Variants in CACNA2D3 observed in about 807,000 individuals in gnomAD.
CACNA2D3 encodes the protein calcium voltage-gated channel auxiliary subunit alpha2delta 3, also known as voltage-dependent calcium channel subunit alpha-2/delta-3.
In CACNA2D3, 60 loss-of-function variants were observed where a neutral mutation model predicts 160.6. The ratio of observed to expected loss-of-function variants is 0.37; its 90% CI spans 0.30 to 0.46. The LOEUF is 0.46. CACNA2D3 is among the 20% of genes least tolerant of loss of function. The pLI, the probability that CACNA2D3 is intolerant of heterozygous loss-of-function variation, is 1.00. For missense variants in CACNA2D3, 1,205 were observed against 1,365.0 expected, an observed-to-expected ratio of 0.88 and a Z score of 1.85; for synonymous variants, 558 against 492.9, an observed-to-expected ratio of 1.13 and a Z score of -1.75.
chr3:54,704,425 C>T (rs918797957), intron 11 of CACNA2D3, among the ~76,000 whole-genome samples: 1 of 151,838 alleles, frequency 6.6e-6, no homozygotes, highest in Non-Finnish European at 1.5e-5. Flanking sequence ...CCAGTTCATA[C>T]ATAGTTTCCA....
In CACNA2D3 at chr3:54,975,409, C is replaced by G. The variant is rs1157790256; in HGVS notation, c.2556+5565C>G. ...GGGTGTGCACCTGTAGTCTCAGCTA[C>G]TCAGGAGGCTGAAGCAGGAGAATCA... On this transcript the variant is annotated intron_variant, in intron 29 of 37. Transcript: ENST00000474759. Among the ~76,000 whole-genome samples the G allele has an allele frequency of 2.6e-5, 4 of 151,638 alleles. No homozygotes were observed. In the East Asian group the frequency reaches 7.8e-4, roughly 30 times the overall value.
rs531102843 is a variant in CACNA2D3 at position 55,033,546 on chromosome 3, C to T, written c.2987+15229C>T. ...ATTGTACTTTACCTTTTATTTCACC[C>T]GATATGTCTGAAACTATCGTGTCAT... On this transcript the variant is annotated intron_variant, in intron 35 of 37. Coordinates refer to ENST00000474759, the MANE Select transcript of CACNA2D3 (RefSeq NM_018398.3). Among the ~76,000 whole-genome samples, 189 of 141,156 alleles carry T rather than the reference C, an allele frequency of 1.3e-3. 1 individual carries two copies. The highest frequency in any genetic ancestry group is 1.8e-3 in the Non-Finnish European group (118 of 66,250). 92.6% of individuals were successfully genotyped at this position (141,156 alleles called of 152,430 possible).
intron 2 of CACNA2D3, among the ~76,000 whole-genome samples, chr3:54,189,167 C>T (rs1169484897): frequency 6.6e-6 from 1 of 152,206 alleles, no homozygotes; most frequent in Non-Finnish European, 1.5e-5. Flanking sequence ...TTCATTTCTA[C>T]TTGGCCAGGG....
intron 9 of CACNA2D3, 51 bp from the exon 10 acceptor site, chr3:54,627,736 G>A (rs1699153622): frequency 1.7e-6 from 2 of 1,153,334 alleles, no homozygotes; most frequent in African/African-American, 1.5e-5. Flanking sequence ...CAAGGTTGGT[G>A]TTTCACATAA....
In CACNA2D3 at chr3:54,142,982, C is replaced by T. The variant is rs149863813; in HGVS notation, c.204+19388C>T. On this transcript the variant is annotated intron_variant, in intron 2 of 37. Coordinates refer to ENST00000474759, the MANE Select transcript of CACNA2D3 (RefSeq NM_018398.3). The stretch of plus-strand genomic sequence containing the variant: ...CTGAGTGTGTACAAGTACAACAACC[C>T]TGAGTGATAAGGAGTAACTAGCTAA... 8.6e-3 allele frequency among the ~76,000 whole-genome samples: 1,308 copies of T among 152,286 alleles called. 4 individuals carry two copies. Among genetic ancestry groups the T allele is most frequent in the Middle Eastern group, 0.037 (11 of 294 alleles).
intron 11 of CACNA2D3, among the ~76,000 whole-genome samples, chr3:54,660,109 A>G (rs1019564358): frequency 4.7e-5 from 7 of 149,846 alleles, no homozygotes; most frequent in African/African-American, 1.7e-4. Context: ...TTTCCATGTC[A>G]TTGGGTCCTC....
rs574691941 is a variant in CACNA2D3 at position 54,288,839 on chromosome 3, A to C, written c.205-31603A>C. On this transcript the variant is annotated intron_variant, in intron 2 of 37. Transcript: ENST00000474759. ...ACAAAAACCACGTGATTATCTCAAT[A>C]GATGCAGAAAAGGCCTTTGACAAAA... is the stretch of plus-strand genomic sequence containing the variant. 7.2e-5 allele frequency among the ~76,000 whole-genome samples: 11 copies of C among 152,338 alleles called. No homozygotes were observed. In the South Asian group the frequency reaches 2.3e-3, roughly 32 times the overall value.
chr3:54,995,090 C>G lies in CACNA2D3; in HGVS notation c.2690+7337C>G, dbSNP rs1019114066. Among the ~76,000 whole-genome samples, 5 of 152,252 alleles carry G rather than the reference C, an allele frequency of 3.3e-5. No homozygotes were observed. In the East Asian group the frequency reaches 5.8e-4, roughly 18 times the overall value. On this transcript the variant is annotated intron_variant, in intron 31 of 37. Transcript: ENST00000474759. ...CCGGATTCAAGCGATTTTCCTGCCT[C>G]TACCTCCTGAGTAGCTGGGATTACA... is the stretch of plus-strand genomic sequence containing the variant.
intron 34 of CACNA2D3, among the ~76,000 whole-genome samples, chr3:55,012,033 C>T (rs1311106841): frequency 6.6e-6 from 1 of 152,206 alleles, no homozygotes; most frequent in African/African-American, 2.4e-5. Context: ...GACAAATCCC[C>T]TCTCCCTCTG....
chr3:54,219,011 C>G (rs184541555), intron 2 of CACNA2D3, among the ~76,000 whole-genome samples: 122 of 152,288 alleles, frequency 8.0e-4, no homozygotes, highest in African/African-American at 2.9e-3. Context: ...TACATATTCA[C>G]CAGTTCTGGG....
chr3:54,776,200 G>A (rs1250189323), intron 13 of CACNA2D3, among the ~76,000 whole-genome samples: 1 of 152,168 alleles, frequency 6.6e-6, no homozygotes, highest in Non-Finnish European at 1.5e-5. Flanking sequence ...GATCAGCCAG[G>A]GCTATGGATA....
chr3:54,751,679 A>G (rs1701859772), intron 11 of CACNA2D3, among the ~76,000 whole-genome samples: 1 of 152,160 alleles, frequency 6.6e-6, no homozygotes, highest in Admixed American at 6.5e-5. Context: ...CCATCAGACT[A>G]GAGGAGCTGG....
intron 3 of CACNA2D3, among the ~76,000 whole-genome samples, chr3:54,354,634 A>G (rs11717990): frequency 6.6e-6 from 1 of 152,218 alleles, no homozygotes; most frequent in Non-Finnish European, 1.5e-5. Flanking sequence ...AAAATTAGCC[A>G]AAAGGAAAAA....
At chr3:54,616,928 T>C (rs927223298) in intron 9 of CACNA2D3, among the ~76,000 whole-genome samples, 2 of 152,098 alleles carry the variant, frequency 1.3e-5, no homozygotes, top group East Asian at 1.9e-4. Context: ...CAGAGAATAT[T>C]AGTTGATGGT....
intron 14 of CACNA2D3, among the ~76,000 whole-genome samples, chr3:54,818,144 A>G (rs1703500474): frequency 6.6e-6 from 1 of 152,202 alleles, no homozygotes; most frequent in Non-Finnish European, 1.5e-5. Context: ...TATTCCTGTT[A>G]CAGAAAATAA....
At chr3:54,679,677 A>G (rs1700306953) in intron 11 of CACNA2D3, among the ~76,000 whole-genome samples, 1 of 152,264 alleles carries the variant, frequency 6.6e-6, no homozygotes, top group South Asian at 2.1e-4. Flanking sequence ...AAATAGATTC[A>G]GGACCATGCA....
chr3:54,560,612 G>A (rs997037955), intron 5 of CACNA2D3, among the ~76,000 whole-genome samples: 9 of 152,124 alleles, frequency 5.9e-5, no homozygotes, highest in African/African-American at 2.2e-4. Context: ...TGCTTTTGTT[G>A]CAATTGCTTT....
chr3:54,743,991 C>T (rs931979912), intron 11 of CACNA2D3, among the ~76,000 whole-genome samples: 12 of 152,206 alleles, frequency 7.9e-5, no homozygotes, highest in Non-Finnish European at 2.9e-5. Flanking sequence ...CTGTCCCTTC[C>T]ATCCCTGCTC....
chr3:54,929,998 C>G (rs1026862680), intron 27 of CACNA2D3, among the ~76,000 whole-genome samples: 1 of 152,132 alleles, frequency 6.6e-6, no homozygotes, highest in East Asian at 1.9e-4. Context: ...TTTGTGAAGG[C>G]CAGATAGTAA....
Sources: gnomAD v4.1 joint callset for allele counts (sites outside exome capture counted in the v4.1 genomes callset) on GRCh38, gnomAD v4.1.1 for gene constraint, MANE v1.5 for transcripts, NCBI Gene and HGNC (gene_info 2026-07-23, HGNC 2026-07-21) for gene names.